The following LRMDA variants were observed in gnomAD, a reference collection of about 807,000 sequenced individuals.
LRMDA encodes the protein leucine-rich melanocyte differentiation-associated protein.
In LRMDA, 18 loss-of-function variants were observed where a neutral mutation model predicts 29.8. That is an observed-to-expected ratio of 0.60 (90% CI 0.42 to 0.90). LRMDA has a LOEUF of 0.90. LRMDA is among the 40% of genes least tolerant of loss of function. The pLI is 0.00. For missense variants in LRMDA, 273 were observed against 273.9 expected, an observed-to-expected ratio of 1.00 and a Z score of 0.02; for synonymous variants, 125 against 109.4, an observed-to-expected ratio of 1.14 and a Z score of -0.89.
At chr10:75,691,115 T>G (rs1248824602) in intron 2 of LRMDA, among the ~76,000 whole-genome samples, 2 of 82,336 alleles carry the variant, frequency 2.4e-5, no homozygotes, top group Admixed American at 1.0e-4. Flanking sequence ...TAGATCTATA[T>G]ATCTATATAC....
At chr10:76,018,038 C>T (rs1261680380) in intron 2 of LRMDA, among the ~76,000 whole-genome samples, 2 of 152,166 alleles carry the variant, frequency 1.3e-5, no homozygotes, top group Non-Finnish European at 2.9e-5. Flanking sequence ...TGTGGGGGCT[C>T]CTTCCTAGAT....
intron 2 of LRMDA, among the ~76,000 whole-genome samples, chr10:75,511,028 G>A (rs977786485): frequency 1.3e-5 from 2 of 152,152 alleles, no homozygotes; most frequent in African/African-American, 4.8e-5. Flanking sequence ...GATTTGGGAA[G>A]AGCCTCACCT....
intron 5 of LRMDA, among the ~76,000 whole-genome samples, chr10:76,074,825 G>A (rs1660764489): frequency 6.6e-6 from 1 of 152,078 alleles, no homozygotes; most frequent in Admixed American, 6.6e-5. Context: ...ATTAGTCAGG[G>A]GAAACTAACT....
chr10:75,761,388 G>A (rs746766334), intron 2 of LRMDA, among the ~76,000 whole-genome samples: 4 of 152,166 alleles, frequency 2.6e-5, no homozygotes, highest in Non-Finnish European at 4.4e-5. Context: ...GTTACACCAC[G>A]GATGAATCTT....
chr10:75,899,120 G>A (rs1194974192), intron 2 of LRMDA, among the ~76,000 whole-genome samples: 1 of 152,172 alleles, frequency 6.6e-6, no homozygotes, highest in Non-Finnish European at 1.5e-5. Flanking sequence ...CTCGCTTATA[G>A]TAAAATATTC....
At chr10:76,393,050 A>G (rs1841742236) in intron 6 of LRMDA, among the ~76,000 whole-genome samples, 1 of 152,162 alleles carries the variant, frequency 6.6e-6, no homozygotes. Flanking sequence ...TTCATTGTGT[A>G]CAAGTACACC....
chr10:75,980,273 G>A (rs950017277), intron 2 of LRMDA, among the ~76,000 whole-genome samples: 1 of 152,218 alleles, frequency 6.6e-6, no homozygotes, highest in Non-Finnish European at 1.5e-5. Flanking sequence ...GGGACACTGA[G>A]ATGATGACCA....
intron 2 of LRMDA, among the ~76,000 whole-genome samples, chr10:75,749,214 C>T (rs890085580): frequency 2.0e-5 from 3 of 152,146 alleles, no homozygotes; most frequent in Admixed American, 6.5e-5. Context: ...TTTCTTTTCT[C>T]TATCTTACTT....
At chr10:76,018,567 GTT>G (rs765340066) in intron 2 of LRMDA, among the ~76,000 whole-genome samples, 9 of 131,936 alleles carry the variant, frequency 6.8e-5, no homozygotes, top group Non-Finnish European at 4.8e-5. Context: ...GGCTTCTGAA[GTT>G]TTTTTTTTTT....
chr10:75,443,251 A>T (rs923778743), intron 2 of LRMDA, among the ~76,000 whole-genome samples: 1 of 152,146 alleles, frequency 6.6e-6, no homozygotes, highest in Non-Finnish European at 1.5e-5. Context: ...CTGAATGGAA[A>T]TGGTGAGAGT....
chr10:75,791,342 A>G (rs1843561401), intron 2 of LRMDA, among the ~76,000 whole-genome samples: 1 of 152,216 alleles, frequency 6.6e-6, no homozygotes, highest in African/African-American at 2.4e-5. Context: ...AATGTTGGCA[A>G]TCCATAAAAT....
chr10:76,429,232 G>T (rs1277192272), intron 6 of LRMDA, among the ~76,000 whole-genome samples: 2 of 151,996 alleles, frequency 1.3e-5, no homozygotes, highest in African/African-American at 4.8e-5. Context: ...ATGATGTCAT[G>T]GACTTAGCTC....
chr10:75,521,324 A>C lies in LRMDA; in HGVS notation c.131+82830A>C, dbSNP rs569083819. Among the ~76,000 whole-genome samples, 5 of 152,366 alleles carry C rather than the reference A, an allele frequency of 3.3e-5. No individual in the cohort carries two copies. The East Asian group carries it at 5.8e-4, about 18-fold the overall frequency. On this transcript the variant is annotated intron_variant, in intron 2 of 6. Transcript: ENST00000611255. ...TGTCCTGCCCACAGAGGTGGAGTCTATAGAGGCAGTAGGCCTTGCTGAGCT... is the reference window on the plus strand; with the variant it reads ...TGTCCTGCCCACAGAGGTGGAGTCTCTAGAGGCAGTAGGCCTTGCTGAGCT...
chr10:75,793,000 C>T (rs533669649), intron 2 of LRMDA, among the ~76,000 whole-genome samples: 17 of 152,104 alleles, frequency 1.1e-4, no homozygotes, highest in Admixed American at 5.9e-4. Context: ...CTCGTGGTCA[C>T]GGAAGGCTCT....
chr10:76,297,969 G>A (rs977793524), intron 5 of LRMDA, among the ~76,000 whole-genome samples: 20 of 152,220 alleles, frequency 1.3e-4, no homozygotes, highest in African/African-American at 3.9e-4. Flanking sequence ...AAATGCAGCC[G>A]CATGTGCCGA....
At chr10:76,530,020 C>A (rs1843217337) in intron 6 of LRMDA, among the ~76,000 whole-genome samples, 1 of 152,100 alleles carries the variant, frequency 6.6e-6, no homozygotes, top group Non-Finnish European at 1.5e-5. Flanking sequence ...TCAAGAGTGT[C>A]TACCACACAC....
chr10:76,493,573 G>T (rs559123605), intron 6 of LRMDA, among the ~76,000 whole-genome samples: 1 of 152,054 alleles, frequency 6.6e-6, no homozygotes, highest in Non-Finnish European at 1.5e-5. Context: ...ATTTCTAGAC[G>T]TTCTGTTTTC....
In LRMDA at chr10:76,496,674, A is replaced by G. The variant is rs1482294489; in HGVS notation, c.602-60535A>G. Among the ~76,000 whole-genome samples the G allele has an allele frequency of 2.7e-5, 2 of 75,084 alleles. 1 individual carries two copies. The highest frequency in any genetic ancestry group is 6.5e-5 in the African/African-American group (2 of 30,796). 49.3% of individuals were successfully genotyped at this position (75,084 alleles called of 152,430 possible). A position where few individuals can be genotyped will look rare whatever the true frequency, so the allele number is the denominator to read the frequency against. On this transcript the variant is annotated intron_variant, in intron 6 of 6. Transcript: ENST00000611255. ...TTTCAAACTCTACTATCTGTAAGCA[A>G]AAGAGACATAGGCCAAGTTATCCTT...
rs1349797673 is a variant in LRMDA at position 76,557,629 on chromosome 10, C to T, written c.*341C>T. The T allele has an allele frequency of 1.4e-5, 4 of 293,960 alleles. No individual in the cohort carries two copies. Among genetic ancestry groups the T allele is most frequent in the Non-Finnish European group, 1.9e-5 (3 of 156,544 alleles). 18.2% of individuals were successfully genotyped at this position (293,960 alleles called of 1,614,324 possible). A position where few individuals can be genotyped will look rare whatever the true frequency, so the allele number is the denominator to read the frequency against. ...TGCTCACAGGGGAGCAGAGGTCACA[C>T]CTGGGGCCTCCCTGGACATGCTCAG... On this transcript the variant is annotated 3_prime_UTR_variant, in exon 7 of 7. Transcript: ENST00000611255.
Sources: allele counts gnomAD v4.1 joint callset (sites outside exome capture counted in the v4.1 genomes callset), GRCh38; gene constraint gnomAD v4.1.1; transcripts MANE v1.5; gene names NCBI Gene and HGNC (gene_info 2026-07-23, HGNC 2026-07-21).